The following OXCT1 variants were observed in gnomAD, a reference collection of about 807,000 sequenced individuals.
OXCT1 encodes 3-oxoacid CoA-transferase 1, also known as succinyl-CoA:3-ketoacid coenzyme A transferase 1, mitochondrial.
In OXCT1, 27 loss-of-function variants were observed where a neutral mutation model predicts 69.6. The ratio of observed to expected loss-of-function variants is 0.39; its 90% CI spans 0.29 to 0.54. The LOEUF is 0.54. OXCT1 is among the 20% of genes least tolerant of loss of function. The pLI, the probability that OXCT1 is intolerant of heterozygous loss-of-function variation, is 0.72. For synonymous variants in OXCT1, 202 were observed against 217.8 expected (o/e 0.93, Z 0.64); for missense variants, 437 against 650.2 (o/e 0.67, Z 3.57).
chr5:41,848,275 A>T (rs1749018190), intron 5 of OXCT1, among the ~76,000 whole-genome samples: 1 of 151,654 alleles, frequency 6.6e-6, no homozygotes, highest in Non-Finnish European at 1.5e-5. Flanking sequence ...GCTCAAGGAA[A>T]TAAAAGAGGA....
intron 7 of OXCT1, among the ~76,000 whole-genome samples, chr5:41,817,884 T>C (rs1022676251): frequency 2.0e-5 from 3 of 152,214 alleles, no homozygotes; most frequent in African/African-American, 7.2e-5. Context: ...GAACAGCTGG[T>C]GGCACATTAT....
At chr5:41,801,863 C>T (rs1746439320) in intron 10 of OXCT1, among the ~76,000 whole-genome samples, 1 of 151,286 alleles carries the variant, frequency 6.6e-6, no homozygotes, top group South Asian at 2.1e-4. Flanking sequence ...CACATATATT[C>T]GATGAAAAGA....
At chr5:41,856,119 A>G (rs955515391) in intron 3 of OXCT1, among the ~76,000 whole-genome samples, 1 of 152,220 alleles carries the variant, frequency 6.6e-6, no homozygotes, top group Non-Finnish European at 1.5e-5. Context: ...AAGCGGAAAT[A>G]TAACAGTATG....
At position 41,870,284 on chromosome 5, in the gene OXCT1, G is replaced by A; in HGVS notation, c.75C>T (p.Tyr25=). The part of the protein sequence containing the change: ...ASARGSGATW[Y]KGCVCSFSTS... ...TTCCTCTTCCCCCGCACTTTACCTT[G>A]TACCAGGTTGCCCCAGATCCGCGGG... Residue 25 remains tyrosine, a synonymous_variant, in exon 1 of 17, where the codon TAC becomes TAT. Transcript: ENST00000196371. The surrounding 1 kb of genome is among the most constrained non-coding windows in gnomAD (Gnocchi z 4.2). The A allele has an allele frequency of 1.2e-6, 2 of 1,613,208 alleles. No individual in the cohort carries two copies. Among genetic ancestry groups the A allele is most frequent in the Non-Finnish European group, 1.7e-6 (2 of 1,179,158 alleles).
Position 41,735,614 on chromosome 5 carries a change from C to T in OXCT1, c.1521+3776G>A, listed in dbSNP as rs115527334. ...GTTATTTAAAAATAGGAAAGCATTA[C>T]TGAACAGCATCACAAGCATTTGTAG... On this transcript the variant is annotated intron_variant, in intron 16 of 16. Transcript: ENST00000196371. Among the ~76,000 whole-genome samples the T allele has an allele frequency of 8.5e-3, 1,295 of 152,304 alleles. 23 individuals carry two copies. Among genetic ancestry groups the T allele is most frequent in the African/African-American group, 0.029 (1,207 of 41,564 alleles).
At chr5:41,833,402 A>G (rs571351572) in intron 7 of OXCT1, among the ~76,000 whole-genome samples, 2 of 152,248 alleles carry the variant, frequency 1.3e-5, no homozygotes, top group East Asian at 3.9e-4. Flanking sequence ...AATAGTATAT[A>G]TGGCAAAATA....
intron 7 of OXCT1, among the ~76,000 whole-genome samples, chr5:41,832,871 C>T (rs1365111026): frequency 6.6e-6 from 1 of 152,062 alleles, no homozygotes; most frequent in Non-Finnish European, 1.5e-5. Flanking sequence ...TGACATACTG[C>T]TGAATGCATC....
At position 41,854,764 on chromosome 5, in the gene OXCT1, C is replaced by T. The variant is rs544998634; in HGVS notation, c.279-1210G>A. Reference sequence around the variant, plus strand: ...CACCACCACAAACATGAAGGGATGGCTAAAAAAGAAAAAAATACCAAGTCT... The same window carrying T: ...CACCACCACAAACATGAAGGGATGGTTAAAAAAGAAAAAAATACCAAGTCT... On this transcript the variant is annotated intron_variant, in intron 3 of 16. Coordinates refer to ENST00000196371, the MANE Select transcript of OXCT1 (RefSeq NM_000436.4). 4.0e-5 allele frequency among the ~76,000 whole-genome samples: 6 copies of T among 151,514 alleles called. No individual in the cohort carries two copies. In the East Asian group the frequency reaches 1.2e-3, roughly 29 times the overall value.
chr5:41,861,169 C>T (rs1482856099), intron 3 of OXCT1, 145 bp downstream of exon 3: 21 of 698,330 alleles, frequency 3.0e-5, no homozygotes, highest in Non-Finnish European at 5.4e-5. Flanking sequence ...AACCACCCCT[C>T]TTGACCTTGT....
chr5:41,761,759 A>C (rs762840322), intron 14 of OXCT1, among the ~76,000 whole-genome samples: 15 of 152,140 alleles, frequency 9.9e-5, no homozygotes, highest in Non-Finnish European at 2.2e-4. Flanking sequence ...AGCAACCACT[A>C]TAATCATCTT....
intron 13 of OXCT1, among the ~76,000 whole-genome samples, chr5:41,763,644 G>T (rs1744455334): frequency 6.6e-6 from 1 of 152,078 alleles, no homozygotes; most frequent in African/African-American, 2.4e-5. Flanking sequence ...GTGTCAATCT[G>T]CTATGGTAAG....
At chr5:41,787,634 C>CAAAAAAAAAAAAAAAA (rs765691863) in intron 13 of OXCT1, among the ~76,000 whole-genome samples, 2 of 34,736 alleles carry the variant, frequency 5.8e-5, no homozygotes, top group African/African-American at 1.4e-4. Context: ...AAGCATTAGG[C>CAAAAAAAAAAAAAAAA]AAAAAAAAAA....
At chr5:41,849,458 T>C (rs957526023) in intron 5 of OXCT1, among the ~76,000 whole-genome samples, 3 of 152,220 alleles carry the variant, frequency 2.0e-5, no homozygotes, top group African/African-American at 7.2e-5. Context: ...TACTCTTCTA[T>C]AATATGCCTA....
At chr5:41,774,752 G>A (rs540154293) in intron 13 of OXCT1, among the ~76,000 whole-genome samples, 53 of 152,140 alleles carry the variant, frequency 3.5e-4, no homozygotes, top group Admixed American at 5.2e-4. Context: ...AAAATTAGCC[G>A]GGCGTGGCGG....
chr5:41,837,251 C>A (rs1342409432), intron 7 of OXCT1, among the ~76,000 whole-genome samples: 2 of 151,490 alleles, frequency 1.3e-5, no homozygotes, highest in Non-Finnish European at 2.9e-5. Context: ...AAGCTCTAAT[C>A]CAGATTCCAC....
intron 16 of OXCT1, among the ~76,000 whole-genome samples, chr5:41,736,971 T>C (rs1333180053): frequency 1.3e-5 from 2 of 152,226 alleles, no homozygotes; most frequent in Admixed American, 1.3e-4. Context: ...AAATGCTATC[T>C]TCAATGTACT....
chr5:41,853,762 G>A, intron 3 of OXCT1: 1 of 668,754 alleles, frequency 1.5e-6, no homozygotes, highest in East Asian at 2.9e-5. Context: ...AAGTCAAGAA[G>A]TTTAAGTTAT....
At chr5:41,866,559 G>T (rs1391045438) in intron 1 of OXCT1, among the ~76,000 whole-genome samples, 1 of 152,212 alleles carries the variant, frequency 6.6e-6, no homozygotes, top group East Asian at 1.9e-4. Flanking sequence ...GACCTGCAGA[G>T]CACGGCATCA....
chr5:41,810,085 T>TA (rs570860133), intron 7 of OXCT1, among the ~76,000 whole-genome samples: 1,916 of 147,696 alleles, frequency 0.013, 34 homozygotes, highest in African/African-American at 0.039. Flanking sequence ...GAAAAGAGTT[T>TA]AAAAAAAAAA....
Sources: allele counts gnomAD v4.1 joint callset (sites outside exome capture counted in the v4.1 genomes callset), GRCh38; gene constraint gnomAD v4.1.1; non-coding constraint Gnocchi (gnomAD v3.1); transcripts MANE v1.5; gene names NCBI Gene and HGNC (gene_info 2026-07-23, HGNC 2026-07-21).